Variants in ATP2B4 observed in about 807,000 individuals in gnomAD.
The protein encoded by ATP2B4 is plasma membrane calcium-transporting ATPase 4.
In ATP2B4, 39 loss-of-function variants were observed where a neutral mutation model predicts 110.3. The observed-to-expected ratio is 0.35, with a 90% CI of 0.27 to 0.46. The LOEUF is 0.46. ATP2B4 is among the 20% of genes least tolerant of loss of function. The probability of loss-of-function intolerance (pLI) is 1.00; values close to 1 mark genes in which losing one functional copy is unlikely to be tolerated. For synonymous variants in ATP2B4, 538 were observed against 571.7 expected (o/e 0.94, Z 0.84); for missense variants, 1,135 against 1,530.9 (o/e 0.74, Z 4.32).
chr1:203,643,606 G>T (rs1663698699), intron 1 of ATP2B4, among the ~76,000 whole-genome samples: 1 of 152,242 alleles, frequency 6.6e-6, no homozygotes, highest in Non-Finnish European at 1.5e-5. Flanking sequence ...ATTAAGTGCA[G>T]TTCTTGCTCC....
intron 15 of ATP2B4, among the ~76,000 whole-genome samples, chr1:203,715,047 C>CA (rs1666121352): frequency 6.6e-6 from 1 of 152,098 alleles, no homozygotes. Context: ...GATTCCCCCC[C>CA]ATTTACATCC....
chr1:203,729,681 G>T (rs529148353), intron 20 of ATP2B4: 2 of 1,300,844 alleles, frequency 1.5e-6, no homozygotes, highest in African/African-American at 3.0e-5. Context: ...TATCCAGGGC[G>T]ATGCAGCTCC....
At chr1:203,693,276 T>C (rs1347684295) in intron 2 of ATP2B4, among the ~76,000 whole-genome samples, 1 of 152,142 alleles carries the variant, frequency 6.6e-6, no homozygotes, top group African/African-American at 2.4e-5. Flanking sequence ...AACTGGGGAT[T>C]GGCCGAGCTC....
rs531592308 is a variant in ATP2B4 at position 203,743,421 on chromosome 1, A to G, written c.*3567A>G. 1.3e-5 allele frequency: 2 copies of G among 152,660 alleles called. No individual in the cohort carries two copies. The highest frequency in any genetic ancestry group is 3.9e-4 in the East Asian group (2 of 5,172). The allele number at this position is 152,660 out of a possible 1,614,324, so 9.5% of individuals were successfully genotyped here. A position where few individuals can be genotyped will look rare whatever the true frequency, so the allele number is the denominator to read the frequency against. The stretch of plus-strand genomic sequence containing the variant: ...CTCTGAATAGACCAGACGCCCTTTC[A>G]CTTAGTTCAGTGCCAGTCCTTTTGC... On this transcript the variant is annotated 3_prime_UTR_variant, in exon 21 of 21. Coordinates refer to ENST00000357681, the MANE Select transcript of ATP2B4 (RefSeq NM_001684.5).
At chr1:203,722,170 C>G (rs1411060113) in intron 17 of ATP2B4, among the ~76,000 whole-genome samples, 1 of 151,966 alleles carries the variant, frequency 6.6e-6, no homozygotes, top group African/African-American at 2.4e-5. Context: ...TGTTTAATAA[C>G]TAGTACAACA....
chr1:203,727,219 G>A (rs1216002993), intron 19 of ATP2B4, among the ~76,000 whole-genome samples, 176 bp from the exon 20 acceptor site: 1 of 152,188 alleles, frequency 6.6e-6, no homozygotes, highest in Non-Finnish European at 1.5e-5. Context: ...CTGACCGCTG[G>A]TGGGCACTTG....
chr1:203,662,122 C>T (rs1664356378), intron 1 of ATP2B4, among the ~76,000 whole-genome samples: 1 of 151,718 alleles, frequency 6.6e-6, no homozygotes, highest in East Asian at 1.9e-4. Context: ...CTCCGGGTTT[C>T]ACACCATTCT....
intron 1 of ATP2B4, among the ~76,000 whole-genome samples, chr1:203,658,470 G>A (rs776350676): frequency 3.4e-4 from 51 of 151,310 alleles, no homozygotes; most frequent in African/African-American, 1.1e-3. Context: ...GATTCAGTCC[G>A]CAGTGAGCTA....
chr1:203,644,490 A>G (rs1663732679), intron 1 of ATP2B4, among the ~76,000 whole-genome samples: 1 of 152,136 alleles, frequency 6.6e-6, no homozygotes, highest in Non-Finnish European at 1.5e-5. Flanking sequence ...AACTTGAGCC[A>G]CTTAAGTTGT....
At chr1:203,671,985 A>G (rs1664677064) in intron 1 of ATP2B4, among the ~76,000 whole-genome samples, 1 of 151,946 alleles carries the variant, frequency 6.6e-6, no homozygotes, top group African/African-American at 2.4e-5. Flanking sequence ...TGAATCCTCC[A>G]TGTCTTCCTC....
chr1:203,730,693 C>A (rs73064466), intron 20 of ATP2B4, among the ~76,000 whole-genome samples: 2 of 152,324 alleles, frequency 1.3e-5, no homozygotes, highest in African/African-American at 4.8e-5. Flanking sequence ...CTTGACTATG[C>A]CCCTCTCTAC....
chr1:203,736,281 A>T (rs965829509), intron 20 of ATP2B4, among the ~76,000 whole-genome samples: 1 of 152,136 alleles, frequency 6.6e-6, no homozygotes, highest in Non-Finnish European at 1.5e-5. Context: ...CCTGGCCAAC[A>T]TGGTGAAACC....
intron 20 of ATP2B4, among the ~76,000 whole-genome samples, chr1:203,730,155 A>G (rs567361947): frequency 6.6e-5 from 10 of 151,496 alleles, no homozygotes; most frequent in African/African-American, 1.9e-4. Flanking sequence ...TTAAAAAAAA[A>G]TTTACCCTGC....
intron 1 of ATP2B4, among the ~76,000 whole-genome samples, chr1:203,638,222 T>C (rs1308514916): frequency 6.6e-6 from 1 of 152,138 alleles, no homozygotes; most frequent in Non-Finnish European, 1.5e-5. Flanking sequence ...TGAGGGAGGC[T>C]GTCTGATCCC....
At chr1:203,630,179 G>A (rs1409817689) in intron 1 of ATP2B4, among the ~76,000 whole-genome samples, 1 of 152,096 alleles carries the variant, frequency 6.6e-6, no homozygotes, top group Admixed American at 6.5e-5. Flanking sequence ...TGGATGTCCT[G>A]GGCCAGGATA....
At chr1:203,633,722 A>ATAAATAAAT (rs1553242177) in intron 1 of ATP2B4, among the ~76,000 whole-genome samples, 1 of 151,214 alleles carries the variant, frequency 6.6e-6, no homozygotes, top group Admixed American at 6.6e-5. Flanking sequence ...AGATAAATAA[A>ATAAATAAAT]TAAATAAATA....
intron 8 of ATP2B4, among the ~76,000 whole-genome samples, chr1:203,705,002 G>A (rs1665809624): frequency 6.6e-6 from 1 of 152,154 alleles, no homozygotes; most frequent in South Asian, 2.1e-4. Flanking sequence ...TGCACACATT[G>A]GATGGCAGGG....
chr1:203,718,408 C>T (rs1283516022), intron 15 of ATP2B4, among the ~76,000 whole-genome samples: 1 of 152,154 alleles, frequency 6.6e-6, no homozygotes, highest in Admixed American at 6.5e-5. Context: ...AAGCAGTTCT[C>T]CTGCTTCAGC....
chr1:203,719,935 G>T (rs534569993), intron 15 of ATP2B4, among the ~76,000 whole-genome samples: 1 of 151,964 alleles, frequency 6.6e-6, no homozygotes, highest in African/African-American at 2.4e-5. Flanking sequence ...AACCAAGCAG[G>T]GTGAGCAAAT....
Sources: allele counts gnomAD v4.1 joint callset (sites outside exome capture counted in the v4.1 genomes callset), GRCh38; gene constraint gnomAD v4.1.1; transcripts MANE v1.5; gene names NCBI Gene and HGNC (gene_info 2026-07-23, HGNC 2026-07-21).